Variants in SDE2 observed in about 807,000 individuals in gnomAD.
SDE2 encodes the protein splicing regulator SDE2.
SDE2 carries 31 observed loss-of-function variants against 46.9 expected under a neutral mutation model. The observed-to-expected ratio is 0.66, with a 90% CI of 0.50 to 0.89. SDE2 has a LOEUF of 0.89. Among genes scored for constraint, SDE2 ranks in the 40% least tolerant of loss-of-function variants. The pLI is 0.00. For synonymous variants in SDE2, 205 were observed against 204.3 expected (o/e 1.00, Z -0.03); for missense variants, 542 against 564.4 (o/e 0.96, Z 0.40).
chr1:225,995,865 CAT>C, intron 1 of SDE2, among the ~76,000 whole-genome samples: 1 of 152,212 alleles, frequency 6.6e-6, no homozygotes, highest in South Asian at 2.1e-4. Context: ...CCATAGGAGA[CAT>C]AAATACATGA....
intron 2 of SDE2, among the ~76,000 whole-genome samples, chr1:225,993,393 T>C (rs1353910934): frequency 3.3e-5 from 5 of 152,104 alleles, no homozygotes; most frequent in Non-Finnish European, 5.9e-5. Context: ...GGGCAGATCA[T>C]GAGGTCAGGA....
Position 225,987,911 on chromosome 1 carries a change from G to A in SDE2, c.1119C>T (p.Ser373=). 6.2e-7 allele frequency: 1 copy of A among 1,611,744 alleles called. No individual in the cohort carries two copies. The highest frequency in any genetic ancestry group is 1.1e-5 in the South Asian group (1 of 90,602). Residue 373 remains serine (S), a synonymous_variant, in exon 6 of 7, where the codon AGC becomes AGT. Coordinates refer to ENST00000272091, the MANE Select transcript of SDE2 (RefSeq NM_152608.4). The stretch of plus-strand genomic sequence containing the variant: ...ACATACTTACTGCGTTTCCTGGCTG[G>A]CTTTCCTGCAGTTTGGCAACGGCAA... The part of the protein sequence containing the change: ...ENVAVAKLQE[S]QPGNAVIDKE...
chr1:225,999,281 C>G lies in SDE2; in HGVS notation c.32G>C (p.Arg11Pro), dbSNP rs777350842. 8 of 1,612,114 alleles carry G rather than the reference C, an allele frequency of 5.0e-6. No homozygotes were observed. The East Asian group carries it at 1.8e-4, about 36-fold the overall frequency. ...CGCCTTGCACCCGAAGCCAGGGCCG[C>G]GAATCCACACCAGCGCCGCGGCCTC... MAEAAALVWI[R>P]GPGFGCKAVR... The change falls in exon 1 of 7, where the codon CGC becomes CCC. Residue 11 changes from arginine to proline, a missense_variant. Coordinates refer to ENST00000272091, the MANE Select transcript of SDE2 (RefSeq NM_152608.4).
chr1:225,987,359 G>A (rs116875883), intron 6 of SDE2, among the ~76,000 whole-genome samples: 2,195 of 152,220 alleles, frequency 0.014, 84 homozygotes, highest in East Asian at 0.12. Context: ...GGCTGAAGAT[G>A]CCTTTTTTAA....
At position 225,988,328 on chromosome 1, in the gene SDE2, G is replaced by A; in HGVS notation, c.702C>T (p.Asp234=). Residue 234 remains aspartate (D), a synonymous_variant, in exon 6 of 7, where the codon GAC becomes GAT. Coordinates refer to ENST00000272091, the MANE Select transcript of SDE2 (RefSeq NM_152608.4). Reference sequence around the variant, plus strand: ...CTGAAGTGCTTGGTGCTTCTTCACTGTCATCATCTGAACTCTCAGAGTTGG... The same window carrying A: ...CTGAAGTGCTTGGTGCTTCTTCACTATCATCATCTGAACTCTCAGAGTTGG... ...EGSNSESSDD[D]SEEAPSTSGM... The A allele has an allele frequency of 1.9e-6, 3 of 1,614,094 alleles. No homozygotes were observed. Among genetic ancestry groups the A allele is most frequent in the Non-Finnish European group, 2.5e-6 (3 of 1,179,960 alleles).
intron 2 of SDE2, 85 bp downstream of exon 2, chr1:225,995,181 A>G (rs1013236063): frequency 5.5e-6 from 4 of 731,804 alleles, no homozygotes; most frequent in African/African-American, 1.8e-5. Flanking sequence ...GGCTAAAGAC[A>G]GCAAATGTCA....
chr1:225,988,686 G>A (rs1404320187), intron 5 of SDE2, among the ~76,000 whole-genome samples: 2 of 152,108 alleles, frequency 1.3e-5, no homozygotes, highest in African/African-American at 2.4e-5. Context: ...ACGAGATCGC[G>A]CCATTGTACT....
At chr1:225,994,999 G>A (rs973468593) in intron 2 of SDE2, among the ~76,000 whole-genome samples, 8 of 152,128 alleles carry the variant, frequency 5.3e-5, no homozygotes, top group African/African-American at 1.2e-4. Context: ...AGCCGTGATC[G>A]TACCACTGTA....
chr1:225,991,195 T>C lies in SDE2; in HGVS notation c.641+48A>G, dbSNP rs771822016. 19 of 1,585,992 alleles carry C rather than the reference T, an allele frequency of 1.2e-5. No homozygotes were observed. In the Admixed American group the frequency reaches 3.2e-4, roughly 27 times the overall value. ...GCCAGATAAACAAGGAGGAAATGTC[T>C]CAAGTCAGTCCTCAAAGATCAATTG... On this transcript the variant is annotated intron_variant, in intron 5 of 6. Coordinates refer to ENST00000272091, the MANE Select transcript of SDE2 (RefSeq NM_152608.4).
chr1:225,999,272 C>G lies in SDE2; in HGVS notation c.41G>C (p.Gly14Ala), dbSNP rs754693992. Residue 14 changes from glycine to alanine, a missense_variant, in exon 1 of 7, where the codon GGC becomes GCC. Coordinates refer to ENST00000272091, the MANE Select transcript of SDE2 (RefSeq NM_152608.4). Reference sequence around the variant, plus strand: ...ACACCGCACCGCCTTGCACCCGAAGCCAGGGCCGCGAATCCACACCAGCGC... The same window carrying G: ...ACACCGCACCGCCTTGCACCCGAAGGCAGGGCCGCGAATCCACACCAGCGC... ...AAALVWIRGP[G>A]FGCKAVRCAS... 3.7e-6 allele frequency: 6 copies of G among 1,612,704 alleles called. No individual in the cohort carries two copies. In the African/African-American group the frequency reaches 8.0e-5, roughly 22 times the overall value.
intron 6 of SDE2, among the ~76,000 whole-genome samples, chr1:225,986,348 A>G (rs528763593): frequency 6.6e-6 from 1 of 152,124 alleles, no homozygotes; most frequent in African/African-American, 2.4e-5. Context: ...AAAAAAAAAA[A>G]AGACAAAATT....
chr1:225,999,128 C>A, intron 1 of SDE2, 65 bp downstream of exon 1: 1 of 1,392,940 alleles, frequency 7.2e-7, no homozygotes, highest in Non-Finnish European at 1.0e-6. Flanking sequence ...GACAGACCTA[C>A]TCCGCACCCA....
intron 1 of SDE2, among the ~76,000 whole-genome samples, chr1:225,996,570 T>C (rs1249175226): frequency 6.6e-6 from 1 of 152,204 alleles, no homozygotes; most frequent in Non-Finnish European, 1.5e-5. Flanking sequence ...TTTAACCATT[T>C]GTGCATTGTA....
At chr1:225,989,612 G>C (rs1484740443) in intron 5 of SDE2, among the ~76,000 whole-genome samples, 6 of 147,826 alleles carry the variant, frequency 4.1e-5, no homozygotes, top group African/African-American at 1.5e-4. Context: ...TTGGGCGACA[G>C]AGCAAGATTC....
At position 225,985,377 on chromosome 1, in the gene SDE2, G is replaced by A. The variant is rs1656246640; in HGVS notation, c.1281C>T (p.Phe427=). 6.2e-7 allele frequency: 1 copy of A among 1,614,100 alleles called. No individual in the cohort carries two copies. Among genetic ancestry groups the A allele is most frequent in the African/African-American group, 1.3e-5 (1 of 74,930 alleles). Residue 427 remains phenylalanine (F), a synonymous_variant, in exon 7 of 7, where the codon TTC becomes TTT. Coordinates refer to ENST00000272091, the MANE Select transcript of SDE2 (RefSeq NM_152608.4). ...GTLQERAARL[F]SVRGLAKEQI... is the part of the protein sequence containing the mutation. The stretch of plus-strand genomic sequence containing the variant: ...GCTCCTTTGCCAGTCCTCTGACAGA[G>A]AAGAGTCTTGCTGCCCGCTCCTGCA...
intron 5 of SDE2, among the ~76,000 whole-genome samples, chr1:225,989,103 C>T (rs1280299023): frequency 6.6e-5 from 10 of 150,514 alleles, no homozygotes; most frequent in Non-Finnish European, 1.3e-4. Flanking sequence ...TCAAGATCAG[C>T]CTGGCCAATA....
chr1:225,991,721 T>C (rs1227460692), intron 4 of SDE2, among the ~76,000 whole-genome samples: 1 of 152,224 alleles, frequency 6.6e-6, no homozygotes, highest in Admixed American at 6.5e-5. Context: ...TCTTATTCGA[T>C]TGTTCCCATA....
Position 225,987,932 on chromosome 1 carries a change from G to A in SDE2, c.1098C>T (p.Ala366=), listed in dbSNP as rs370711348. 58 of 1,612,570 alleles carry A rather than the reference G, an allele frequency of 3.6e-5. No homozygotes were observed. Among genetic ancestry groups the A allele is most frequent in the Admixed American group, 1.7e-4 (10 of 59,600 alleles). Residue 366 remains alanine, a synonymous_variant, in exon 6 of 7, where the codon GCC becomes GCT. Transcript: ENST00000272091. ...EVAPEERENV[A]VAKLQESQPG... is the part of the protein sequence containing the mutation. ...GCTGGCTTTCCTGCAGTTTGGCAAC[G>A]GCAACGTTTTCCCTTTCTTCAGGTG...
rs376616547 is a variant in SDE2, at chr1:225,999,142, C to A, written c.120+51G>T. 85 of 1,508,080 alleles carry A rather than the reference C, an allele frequency of 5.6e-5. No homozygotes were observed. In the African/African-American group the frequency reaches 1.2e-3, roughly 20 times the overall value. The allele number at this position is 1,508,080 out of a possible 1,614,324, so 93.4% of individuals were successfully genotyped here. On this transcript the variant is annotated intron_variant, in intron 1 of 6. Transcript: ENST00000272091. The stretch of plus-strand genomic sequence containing the variant: ...GGACAGACCTACTCCGCACCCAGCG[C>A]TGCCACCTGTCTGCCTCTTTCTCCT...
Sources: gnomAD v4.1 joint callset for allele counts (sites outside exome capture counted in the v4.1 genomes callset) on GRCh38, gnomAD v4.1.1 for gene constraint, MANE v1.5 for transcripts, NCBI Gene and HGNC (gene_info 2026-07-23, HGNC 2026-07-21) for gene names.